The following MEIS1 variants were observed in gnomAD, a reference collection of about 807,000 sequenced individuals.
The protein encoded by MEIS1 is homeobox protein Meis1.
A neutral mutation model predicts 50.8 loss-of-function variants in MEIS1; 5 were observed. The ratio of observed to expected loss-of-function variants is 0.10; its 90% CI spans 0.05 to 0.21. The LOEUF (loss-of-function observed/expected upper bound fraction) is 0.21. MEIS1 is among the 10% of genes least tolerant of loss of function. The pLI is 1.00. For synonymous variants in MEIS1, 176 were observed against 179.3 expected, an observed-to-expected ratio of 0.98 and a Z score of 0.15; for missense variants, 318 against 517.3, an observed-to-expected ratio of 0.61 and a Z score of 3.74.
rs1672923149 is a variant in MEIS1, at chr2:66,477,579, G to C, written c.742+13359G>C. On this transcript the variant is annotated intron_variant, in intron 7 of 12. Transcript: ENST00000272369. The stretch of plus-strand genomic sequence containing the variant: ...GCTGCACTGCTTTCCCTCAAAGAAG[G>C]CTCCGGCTCCGTGGAGACCAGGGGC... Among the ~76,000 whole-genome samples, 2 of 152,144 alleles carry C rather than the reference G, an allele frequency of 1.3e-5. 1 individual carries two copies. Among genetic ancestry groups the C allele is most frequent in the South Asian group, 4.1e-4 (2 of 4,820 alleles).
intron 8 of MEIS1, among the ~76,000 whole-genome samples, chr2:66,541,374 A>G (rs535188458): frequency 6.6e-5 from 10 of 152,194 alleles, no homozygotes; most frequent in Non-Finnish European, 1.5e-4. Flanking sequence ...TGGCTATAAA[A>G]CAATGTCTTT....
At chr2:66,524,137 C>T (rs1225869978) in intron 8 of MEIS1, among the ~76,000 whole-genome samples, 2 of 152,150 alleles carry the variant, frequency 1.3e-5, no homozygotes, top group African/African-American at 2.4e-5. Flanking sequence ...AAGAGTTTTG[C>T]TGGCTTGAAG....
intron 8 of MEIS1, among the ~76,000 whole-genome samples, chr2:66,527,986 T>C (rs1296815865): frequency 1.3e-5 from 2 of 152,178 alleles, no homozygotes; most frequent in Non-Finnish European, 2.9e-5. Flanking sequence ...ATCTAATCTC[T>C]GGTGCAGTTT....
chr2:66,567,503 A>G lies in MEIS1; in HGVS notation c.1016A>G (p.Asn339Ser), dbSNP rs1345250115. The G allele has an allele frequency of 3.7e-6, 6 of 1,613,790 alleles. No homozygotes were observed. The highest frequency in any genetic ancestry group is 1.1e-5 in the South Asian group (1 of 91,052). ...RIVQPMIDQSNRAVSQGTPYN... is the reference protein window; with the variant it reads ...RIVQPMIDQSSRAVSQGTPYN... ...GTGCAGCCCATGATAGACCAGTCCA[A>G]CCGAGCAGGCAAGTCCCCCATAGTG... The change falls in exon 10 of 13, where the codon AAC becomes AGC. Residue 339 changes from asparagine to serine, a missense_variant. Asn to Ser is a conservative substitution (Grantham distance 46, BLOSUM62 1). Transcript: ENST00000272369.
intron 9 of MEIS1, 90 bp from the exon 10 acceptor site, chr2:66,567,363 T>C: frequency 7.2e-7 from 1 of 1,386,068 alleles, no homozygotes; most frequent in South Asian, 1.2e-5. Context: ...AGATCTAGTT[T>C]TACTCCAACT....
intron 9 of MEIS1, chr2:66,561,999 A>G (rs1380408387): frequency 1.4e-5 from 2 of 142,046 alleles, no homozygotes; most frequent in Admixed American, 7.4e-5. Flanking sequence ...GAACTAATTG[A>G]GTAAAGGTGA....
intron 7 of MEIS1, among the ~76,000 whole-genome samples, chr2:66,476,108 G>A (rs1228912641): frequency 6.6e-6 from 1 of 152,184 alleles, no homozygotes; most frequent in African/African-American, 2.4e-5. Flanking sequence ...CCCAGGAACA[G>A]GGTTAATGGA....
At chr2:66,516,577 T>TTGTGTG (rs59154318) in intron 8 of MEIS1, among the ~76,000 whole-genome samples, 112 of 148,240 alleles carry the variant, frequency 7.6e-4, no homozygotes, top group Admixed American at 1.8e-3. Context: ...CCTGGAAAAT[T>TTGTGTG]TGTGTGTGTG....
At chr2:66,558,244 A>T (rs1675118997) in intron 9 of MEIS1, among the ~76,000 whole-genome samples, 1 of 131,926 alleles carries the variant, frequency 7.6e-6, no homozygotes, top group Non-Finnish European at 1.5e-5. Flanking sequence ...GCGCCACTGC[A>T]CTCCAGCATG....
At chr2:66,482,010 A>G (rs991112046) in intron 7 of MEIS1, among the ~76,000 whole-genome samples, 8 of 109,470 alleles carry the variant, frequency 7.3e-5, no homozygotes, top group African/African-American at 6.1e-4. Context: ...GCACACCACC[A>G]CACACCACAC....
At chr2:66,568,955 C>G in intron 11 of MEIS1, 95 bp from the exon 12 acceptor site, 1 of 1,248,616 alleles carries the variant, frequency 8.0e-7, no homozygotes, top group Non-Finnish European at 1.2e-6. Flanking sequence ...TTTCTCAACC[C>G]TCTAGATCCT....
At chr2:66,437,288 T>TC (rs1671819929) in intron 1 of MEIS1, 1 of 156,906 alleles carries the variant, frequency 6.4e-6, no homozygotes, top group African/African-American at 2.4e-5. Flanking sequence ...GTAACTTTTT[T>TC]TTTTTTTTTT....
intron 7 of MEIS1, among the ~76,000 whole-genome samples, chr2:66,489,287 A>C (rs1385476544): frequency 1.3e-5 from 2 of 152,230 alleles, no homozygotes; most frequent in Non-Finnish European, 2.9e-5. Flanking sequence ...TAGTTGTCTA[A>C]GAAGGTAATT....
intron 6 of MEIS1, among the ~76,000 whole-genome samples, chr2:66,450,910 T>C (rs1437234045): frequency 2.0e-5 from 3 of 152,198 alleles, no homozygotes. Context: ...TCTCTTTCTT[T>C]TTCTGATCAC....
At chr2:66,522,173 A>G (rs1674139393) in intron 8 of MEIS1, among the ~76,000 whole-genome samples, 1 of 152,218 alleles carries the variant, frequency 6.6e-6, no homozygotes, top group South Asian at 2.1e-4. Flanking sequence ...GAACAGAAAT[A>G]TGGCATGCCA....
chr2:66,517,768 A>C (rs1444138996), intron 8 of MEIS1, among the ~76,000 whole-genome samples: 1 of 152,178 alleles, frequency 6.6e-6, no homozygotes, highest in Non-Finnish European at 1.5e-5. Context: ...TCTGTGATAT[A>C]CATCATATAA....
chr2:66,513,809 A>G (rs748394343), intron 8 of MEIS1, among the ~76,000 whole-genome samples: 16 of 152,296 alleles, frequency 1.1e-4, no homozygotes, highest in Middle Eastern at 6.8e-3. Context: ...CACCTGTTGC[A>G]TGTGTGTAGA....
intron 8 of MEIS1, among the ~76,000 whole-genome samples, chr2:66,532,211 C>T (rs984238545): frequency 2.0e-5 from 3 of 151,820 alleles, no homozygotes; most frequent in African/African-American, 7.2e-5. Flanking sequence ...TTTATTTTTT[C>T]GATTCTCTAC....
chr2:66,457,438 A>G (rs1388572792), intron 6 of MEIS1, among the ~76,000 whole-genome samples: 2 of 152,168 alleles, frequency 1.3e-5, no homozygotes, highest in Non-Finnish European at 2.9e-5. Context: ...CCTTCTCAGC[A>G]TCCCCATTCC....
Sources: gnomAD v4.1 joint callset for allele counts (sites outside exome capture counted in the v4.1 genomes callset) on GRCh38, gnomAD v4.1.1 for gene constraint, MANE v1.5 for transcripts, NCBI Gene and HGNC (gene_info 2026-07-23, HGNC 2026-07-21) for gene names.